The following TUBB3 variants were observed in gnomAD, a reference collection of about 807,000 sequenced individuals.
The protein encoded by TUBB3 is tubulin beta 3 class III, also known as tubulin beta-3 chain.
In TUBB3, 17 loss-of-function variants were observed where a neutral mutation model predicts 37.8. The observed-to-expected ratio is 0.45, with a 90% CI of 0.31 to 0.67. TUBB3 has a LOEUF of 0.67. Ranked by LOEUF, TUBB3 falls within the 30% of genes least tolerant of loss-of-function variation. The pLI is 0.07. For synonymous variants in TUBB3, 332 were observed against 278.9 expected, an observed-to-expected ratio of 1.19 and a Z score of -1.90; for missense variants, 262 against 657.9, an observed-to-expected ratio of 0.40 and a Z score of 6.58.
intron 1 of TUBB3, chr16:89,931,972 C>T (rs995545111): frequency 6.9e-6 from 2 of 289,400 alleles, no homozygotes; most frequent in Non-Finnish European, 1.5e-5. Context: ...CCCCAAGGAC[C>T]CTTCTGCAGA....
At chr16:89,926,328 C>T (rs1282753183) in intron 1 of TUBB3, among the ~76,000 whole-genome samples, 1 of 152,188 alleles carries the variant, frequency 6.6e-6, no homozygotes, top group Non-Finnish European at 1.5e-5. Flanking sequence ...GCCCCGCCCT[C>T]TCGCCTGAAA....
At chr16:89,934,578 A>C in intron 3 of TUBB3, 151 bp from the exon 4 acceptor site, 3 of 758,244 alleles carry the variant, frequency 4.0e-6, no homozygotes, top group Non-Finnish European at 6.7e-6. Context: ...CACGGCGGGT[A>C]TGAGAAGGGG....
At chr16:89,927,808 T>G (rs899312576) in intron 1 of TUBB3, among the ~76,000 whole-genome samples, 3 of 152,224 alleles carry the variant, frequency 2.0e-5, no homozygotes, top group Admixed American at 6.5e-5. Context: ...TCTGCTCCAT[T>G]GCTCCTGCTG....
chr16:89,931,771 C>T, intron 1 of TUBB3: 1 of 299,692 alleles, frequency 3.3e-6, no homozygotes, highest in Non-Finnish European at 7.2e-6. Context: ...CCAGCAGGCC[C>T]AGCCCCTGAG....
At chr16:89,933,613 C>T (rs776987991) in intron 3 of TUBB3, 35 bp downstream of exon 3, 5 of 1,539,700 alleles carry the variant, frequency 3.2e-6, no homozygotes, top group Non-Finnish European at 3.6e-6. Context: ...TGATGGCAGA[C>T]CCCATCACAG....
rs2029958866 is a variant in TUBB3, at chr16:89,923,474, C to T, written c.57+16C>T. The stretch of plus-strand genomic sequence containing the variant: ...CGGGGCCAAGGTGAGGCTGCGCGCC[C>T]CGGCCTGTCCCGGGCCCCGGGGCGG... On this transcript the variant is annotated intron_variant, in intron 1 of 3. Transcript: ENST00000315491. 4 of 1,455,756 alleles carry T rather than the reference C, an allele frequency of 2.7e-6. No homozygotes were observed. The highest frequency in any genetic ancestry group is 2.3e-5 in the Admixed American group (1 of 43,240). The allele number at this position is 1,455,756 out of a possible 1,614,324, so 90.2% of individuals were successfully genotyped here.
rs201682024 is a variant in TUBB3 at position 89,935,306 on chromosome 16, C to A, written c.855C>A (p.Thr285=). Residue 285 remains threonine, a synonymous_variant, in exon 4 of 4, where the codon ACC becomes ACA. Coordinates refer to ENST00000315491, the MANE Select transcript of TUBB3 (RefSeq NM_006086.4). ...ARGSQQYRAL[T]VPELTQQMFD... is the part of the protein sequence containing the mutation. ...GCAGCCAGCAGTACCGGGCCCTGAC[C>A]GTGCCCGAGCTCACCCAGCAGATGT... 6.2e-7 allele frequency: 1 copy of A among 1,613,778 alleles called. No homozygotes were observed. The highest frequency in any genetic ancestry group is 8.5e-7 in the Non-Finnish European group (1 of 1,179,970).
At chr16:89,923,593 G>A in intron 1 of TUBB3, 135 bp downstream of exon 1, 1 of 894,624 alleles carries the variant, frequency 1.1e-6, no homozygotes, top group Non-Finnish European at 1.5e-6. Flanking sequence ...GCCGCGCCGG[G>A]CGGCCGGGAC....
Position 89,935,753 on chromosome 16 carries a change from C to T in TUBB3, c.1302C>T (p.Gly434=), listed in dbSNP as rs765237258. 1.2e-5 allele frequency: 20 copies of T among 1,613,918 alleles called. No individual in the cohort carries two copies. The highest frequency in any genetic ancestry group is 5.0e-5 in the Admixed American group (3 of 60,012). The part of the protein sequence containing the change: ...QYQDATAEEE[G]EMYEDDEEES... Reference sequence around the variant, plus strand: ...AGGACGCCACGGCCGAGGAAGAGGGCGAGATGTACGAAGACGACGAGGAGG... The same window carrying T: ...AGGACGCCACGGCCGAGGAAGAGGGTGAGATGTACGAAGACGACGAGGAGG... The change falls in exon 4 of 4, where the codon GGC becomes GGT. Residue 434 remains glycine, a synonymous_variant. Coordinates refer to ENST00000315491, the MANE Select transcript of TUBB3 (RefSeq NM_006086.4).
At chr16:89,931,559 GTGGTTCTCCGTGTGCACACAGATAGA>G (rs1270700845) in intron 1 of TUBB3, 2 of 152,678 alleles carry the variant, frequency 1.3e-5, no homozygotes, top group African/African-American at 4.8e-5. Flanking sequence ...ACCCAGGGGT[GTGGTTCTCCGTGTGCACACAGATAGA>G]TAGTTCTACG....
At position 89,935,829 on chromosome 16, in the gene TUBB3, G is replaced by T. The variant is rs752872929; in HGVS notation, c.*25G>T. On this transcript the variant is annotated 3_prime_UTR_variant, in exon 4 of 4. Transcript: ENST00000315491. ...AAGCTGCTCGCAGCTGGAGTGAGAGGCAGGTGGCGGCCGGGGCCGAAGCCA... is the reference window on the plus strand; with the variant it reads ...AAGCTGCTCGCAGCTGGAGTGAGAGTCAGGTGGCGGCCGGGGCCGAAGCCA... The T allele has an allele frequency of 4.4e-6, 7 of 1,604,598 alleles. No homozygotes were observed. The East Asian group carries it at 1.3e-4, about 31-fold the overall frequency.
At chr16:89,928,003 G>A (rs2030146768) in intron 1 of TUBB3, among the ~76,000 whole-genome samples, 1 of 152,216 alleles carries the variant, frequency 6.6e-6, no homozygotes, top group Admixed American at 6.5e-5. Context: ...TCCTCAAAGA[G>A]AGTGTTAGGG....
intron 1 of TUBB3, among the ~76,000 whole-genome samples, chr16:89,928,691 ATT>A (rs2030172962): frequency 6.8e-6 from 1 of 148,036 alleles, no homozygotes; most frequent in Admixed American, 6.7e-5. Context: ...CGCCTGGCTA[ATT>A]TTTTGTATTT....
upstream of TUBB3, chr16:89,922,019 C>G (rs2029899834): frequency 6.6e-6 from 1 of 152,506 alleles, no homozygotes. Context: ...AGACACTCAC[C>G]CCGGACTCCC....
Position 89,935,093 on chromosome 16 carries a change from C to A in TUBB3, c.642C>A (p.Thr214=). The change falls in exon 4 of 4, where the codon ACC becomes ACA. Residue 214 remains threonine, a synonymous_variant. Transcript: ENST00000315491. The part of the protein sequence containing the change: ...NEALYDICFR[T]LKLATPTYGD... ...CGCTCTACGACATCTGCTTCCGCAC[C>A]CTCAAGCTGGCCACGCCCACCTACG... The A allele has an allele frequency of 1.9e-6, 3 of 1,614,210 alleles. No homozygotes were observed. The highest frequency in any genetic ancestry group is 2.5e-6 in the Non-Finnish European group (3 of 1,180,038).
intron 1 of TUBB3, among the ~76,000 whole-genome samples, chr16:89,928,524 A>ATT (rs34609827): frequency 6.6e-5 from 9 of 136,070 alleles, no homozygotes; most frequent in Non-Finnish European, 1.1e-4. Context: ...ACACTGGCTA[A>ATT]TTTTTTTTTT....
chr16:89,927,487 C>A (rs931901310), intron 1 of TUBB3, among the ~76,000 whole-genome samples: 3 of 152,030 alleles, frequency 2.0e-5, no homozygotes, highest in Admixed American at 6.6e-5. Context: ...TTAAAAAAAA[C>A]CTTAAATATT....
chr16:89,931,961 AC>A, intron 1 of TUBB3: 1 of 296,568 alleles, frequency 3.4e-6, no homozygotes, highest in South Asian at 2.6e-5. Context: ...CCCATTTGGG[AC>A]CCCAAGGACC....
chr16:89,927,835 G>A (rs1007807278), intron 1 of TUBB3, among the ~76,000 whole-genome samples: 8 of 152,214 alleles, frequency 5.3e-5, no homozygotes, highest in African/African-American at 1.9e-4. Context: ...GCCTCGCTCT[G>A]CAGAGGACTT....
Sources: allele counts gnomAD v4.1 joint callset (sites outside exome capture counted in the v4.1 genomes callset), GRCh38; gene constraint gnomAD v4.1.1; transcripts MANE v1.5; gene names NCBI Gene and HGNC (gene_info 2026-07-23, HGNC 2026-07-21).